Variants in DOCK9 observed in about 807,000 individuals in gnomAD.
DOCK9 encodes the protein dedicator of cytokinesis 9.
DOCK9 carries 89 observed loss-of-function variants against 263.3 expected under a neutral mutation model. That is an observed-to-expected ratio of 0.34 (90% CI 0.28 to 0.40). The LOEUF (loss-of-function observed/expected upper bound fraction) is 0.40. Among genes scored for constraint, DOCK9 ranks in the 10% least tolerant of loss-of-function variants. DOCK9 has a pLI of 1.00. For synonymous variants in DOCK9, 976 were observed against 973.1 expected, an observed-to-expected ratio of 1.00 and a Z score of -0.06; for missense variants, 2,140 against 2,603.4, an observed-to-expected ratio of 0.82 and a Z score of 3.87.
intron 29 of DOCK9, 81 bp downstream of exon 29, chr13:98,867,845 TAA>T (rs550131112): frequency 6.9e-4 from 688 of 999,938 alleles, no homozygotes; most frequent in South Asian, 1.3e-3. Flanking sequence ...GGCAGAGCTT[TAA>T]AAAAAAAAAA....
intron 9 of DOCK9, among the ~76,000 whole-genome samples, chr13:98,913,724 C>G (rs927083852): frequency 6.6e-6 from 1 of 152,096 alleles, no homozygotes; most frequent in Non-Finnish European, 1.5e-5. Context: ...TGTTTTATAT[C>G]TTTTAAGAAT....
At chr13:98,808,045 G>A (rs1233002161) in intron 47 of DOCK9, among the ~76,000 whole-genome samples, 1 of 152,168 alleles carries the variant, frequency 6.6e-6, no homozygotes, top group Non-Finnish European at 1.5e-5. Context: ...TGAGTGAAAT[G>A]AAAGATTTTG....
chr13:98,795,194 T>G (rs1454573697), intron 52 of DOCK9, among the ~76,000 whole-genome samples: 1 of 152,252 alleles, frequency 6.6e-6, no homozygotes, highest in Admixed American at 6.5e-5. Flanking sequence ...TACTTACATG[T>G]GCTTGACTGG....
chr13:98,886,550 G>A lies in DOCK9; in HGVS notation c.2118C>T (p.Asn706=). The change falls in exon 19 of 53, where the codon AAC becomes AAT. Residue 706 remains asparagine (N), a synonymous_variant. Transcript: ENST00000682017. The part of the protein sequence containing the change: ...AFAAVLHHHQ[N]PEFYDEIKIE... ...CACTTACCTCATCATAAAATTCTGG[G>A]TTTTGGTGATGGTGTAAAACTGCAG... 6.2e-7 allele frequency: 1 copy of A among 1,613,652 alleles called. No individual in the cohort carries two copies. The highest frequency in any genetic ancestry group is 8.5e-7 in the Non-Finnish European group (1 of 1,179,694).
At chr13:98,901,675 T>C (rs2048297143) in intron 13 of DOCK9, 103 bp downstream of exon 13, 2 of 1,321,914 alleles carry the variant, frequency 1.5e-6, no homozygotes, top group Non-Finnish European at 2.0e-6. Flanking sequence ...TTTTAGAGTA[T>C]AAATATGGCT....
Position 98,828,831 on chromosome 13 carries a change from C to G in DOCK9, c.4965+476G>C, listed in dbSNP as rs547952749. Among the ~76,000 whole-genome samples, 4 of 152,312 alleles carry G rather than the reference C, an allele frequency of 2.6e-5. No individual in the cohort carries two copies. The South Asian group carries it at 8.3e-4, about 32-fold the overall frequency. Reference sequence around the variant, plus strand: ...AATATTACTTGTACTGGAGCCCACACACCCAACTCCCAGCCATGCAGTCTA... The same window carrying G: ...AATATTACTTGTACTGGAGCCCACAGACCCAACTCCCAGCCATGCAGTCTA... On this transcript the variant is annotated intron_variant, in intron 43 of 52. Transcript: ENST00000682017.
intron 33 of DOCK9, 106 bp downstream of exon 33, chr13:98,860,299 G>T: frequency 6.6e-7 from 1 of 1,508,174 alleles, no homozygotes; most frequent in South Asian, 1.3e-5. Flanking sequence ...AAGCAACTTA[G>T]ACTTCAAGGT....
intron 15 of DOCK9, among the ~76,000 whole-genome samples, chr13:98,892,993 G>A (rs759315887): frequency 3.3e-5 from 5 of 152,174 alleles, no homozygotes; most frequent in African/African-American, 4.8e-5. Context: ...TTTGAAAGAT[G>A]AGTAGAGTTC....
chr13:98,912,658 A>G (rs1395867111), intron 9 of DOCK9, among the ~76,000 whole-genome samples: 5 of 152,096 alleles, frequency 3.3e-5, no homozygotes, highest in Non-Finnish European at 4.4e-5. Flanking sequence ...TTGGGATCAA[A>G]CAATACTGAA....
rs76805689 is a variant in DOCK9, at chr13:98,954,439, G to A, written c.243+996C>T. Reference sequence around the variant, plus strand: ...TCGCTGCAAGGCATTTAACACCACCGGGTTTCCTGGAGGAAGAATGTCATT... The same window carrying A: ...TCGCTGCAAGGCATTTAACACCACCAGGTTTCCTGGAGGAAGAATGTCATT... On this transcript the variant is annotated intron_variant, in intron 2 of 52. Transcript: ENST00000682017. Among the ~76,000 whole-genome samples the A allele has an allele frequency of 4.7e-4, 71 of 152,256 alleles. 4 individuals carry two copies. In the East Asian group the frequency reaches 0.013, roughly 27 times the overall value.
chr13:99,009,342 C>G (rs1434110951), intron 1 of DOCK9, among the ~76,000 whole-genome samples: 4 of 152,084 alleles, frequency 2.6e-5, no homozygotes, highest in Non-Finnish European at 5.9e-5. Flanking sequence ...AAACAGACAA[C>G]AAAACCCACC....
chr13:98,977,918 G>A lies in DOCK9; in HGVS notation c.-9C>T. The A allele has an allele frequency of 1.3e-6, 2 of 1,573,308 alleles. No individual in the cohort carries two copies. The highest frequency in any genetic ancestry group is 1.2e-5 in the South Asian group (1 of 85,196). On this transcript the variant is annotated 5_prime_UTR_variant, in exon 1 of 53. Transcript: ENST00000682017. ...CATTTATCAGCCTGCATTCTCGGCTGAAAACGCAAGTCAGAAAGTCTGCAA... is the reference window on the plus strand; with the variant it reads ...CATTTATCAGCCTGCATTCTCGGCTAAAAACGCAAGTCAGAAAGTCTGCAA...
intron 37 of DOCK9, chr13:98,846,407 T>G: frequency 1.1e-6 from 1 of 871,248 alleles, no homozygotes; most frequent in East Asian, 5.3e-5. Context: ...ATTATATATG[T>G]TCTGAAAAAG....
intron 15 of DOCK9, among the ~76,000 whole-genome samples, chr13:98,892,821 G>C (rs2046826276): frequency 6.6e-6 from 1 of 152,172 alleles, no homozygotes; most frequent in Non-Finnish European, 1.5e-5. Flanking sequence ...AGTATTCATG[G>C]TGGGAGAAAT....
At chr13:98,841,779 G>A (rs1161207874) in intron 38 of DOCK9, among the ~76,000 whole-genome samples, 5 of 150,944 alleles carry the variant, frequency 3.3e-5, no homozygotes, top group Admixed American at 6.6e-5. Context: ...GCACCACCAT[G>A]CCCAGATTTT....
rs1595006336 is a variant in DOCK9, at chr13:98,888,616, T to C, written c.1789+16A>G. 1 of 1,613,274 alleles carries C rather than the reference T, an allele frequency of 6.2e-7. No individual in the cohort carries two copies. The highest frequency in any genetic ancestry group is 8.5e-7 in the Non-Finnish European group (1 of 1,179,306). On this transcript the variant is annotated intron_variant, in intron 16 of 52. Transcript: ENST00000682017. The stretch of plus-strand genomic sequence containing the variant: ...ACTAATAAAAATTCTGTCTATTATG[T>C]AGAACTGACACTTACTAGGGAAGTC...
Position 98,880,621 on chromosome 13 carries a change from C to T in DOCK9, c.2797G>A (p.Glu933Lys), listed in dbSNP as rs770905705. Reference protein sequence around the residue: ...YVASEYKTVHEELTKSMTTIL... With the variant: ...YVASEYKTVHKELTKSMTTIL... Reference sequence around the variant, plus strand: ...GTGGTCATGGATTTGGTCAGTTCTTCATGCACTGTCTTGTATTCAGAGGCA... The same window carrying T: ...GTGGTCATGGATTTGGTCAGTTCTTTATGCACTGTCTTGTATTCAGAGGCA... Residue 933 changes from glutamate (E) to lysine (K), a missense_variant, in exon 26 of 53, where the codon GAA becomes AAA. This residue lies in a region of DOCK9 where 1,521 missense variants were observed against 1,741.7 expected (regional missense o/e 0.87). Coordinates refer to ENST00000682017, the MANE Select transcript of DOCK9 (RefSeq NM_001366683.2). 6.2e-7 allele frequency: 1 copy of T among 1,613,908 alleles called. No individual in the cohort carries two copies. The highest frequency in any genetic ancestry group is 8.5e-7 in the Non-Finnish European group (1 of 1,179,862).
chr13:98,969,273 C>T (rs1193855509), intron 1 of DOCK9, among the ~76,000 whole-genome samples: 1 of 152,220 alleles, frequency 6.6e-6, no homozygotes, highest in Non-Finnish European at 1.5e-5. Context: ...CCTCTACTTG[C>T]ATCCCTTTCT....
chr13:98,921,632 CT>C (rs2052007127), intron 6 of DOCK9, among the ~76,000 whole-genome samples: 1 of 152,226 alleles, frequency 6.6e-6, no homozygotes, highest in African/African-American at 2.4e-5. Context: ...CTGCAACCTT[CT>C]CTTCTATGCA....
Sources: allele counts gnomAD v4.1 joint callset (sites outside exome capture counted in the v4.1 genomes callset), GRCh38; gene constraint gnomAD v4.1.1; regional missense constraint gnomAD v4.1.1; transcripts MANE v1.5; gene names NCBI Gene and HGNC (gene_info 2026-07-23, HGNC 2026-07-21).